Variants in CTNNA2 observed in about 807,000 individuals in gnomAD.
CTNNA2 encodes catenin alpha-2.
In CTNNA2, 42 loss-of-function variants were observed where a neutral mutation model predicts 101.0. That is an observed-to-expected ratio of 0.42 (90% confidence interval 0.32 to 0.54). The LOEUF (loss-of-function observed/expected upper bound fraction) is 0.54. CTNNA2 is among the 20% of genes least tolerant of loss of function. The pLI is 0.14. For missense variants in CTNNA2, 871 were observed against 1,223.1 expected (o/e 0.71, Z 4.29); for synonymous variants, 450 against 456.4 (o/e 0.99, Z 0.18).
intron 3 of CTNNA2, among the ~76,000 whole-genome samples, chr2:79,372,978 A>G (rs887199310): frequency 9.9e-5 from 15 of 152,210 alleles, no homozygotes; most frequent in Admixed American, 9.2e-4. Flanking sequence ...ATAGCTCCCT[A>G]CAAATGGACA....
intron 2 of CTNNA2, among the ~76,000 whole-genome samples, chr2:79,698,327 C>T (rs1221223339): frequency 6.6e-6 from 1 of 151,864 alleles, no homozygotes; most frequent in African/African-American, 2.4e-5. Flanking sequence ...TATATTTAGA[C>T]AGTAAATTGG....
At chr2:79,321,979 A>T (rs1186111525) in intron 3 of CTNNA2, among the ~76,000 whole-genome samples, 2 of 152,206 alleles carry the variant, frequency 1.3e-5, no homozygotes, top group East Asian at 3.9e-4. Flanking sequence ...GCCACTACTG[A>T]GCATTTGAAG....
intron 7 of CTNNA2, among the ~76,000 whole-genome samples, chr2:80,327,681 A>G (rs1670934214): frequency 6.6e-6 from 1 of 152,246 alleles, no homozygotes; most frequent in Non-Finnish European, 1.5e-5. Flanking sequence ...ACTGACAACC[A>G]CTAATGAAGA....
intron 7 of CTNNA2, among the ~76,000 whole-genome samples, chr2:80,243,007 A>T (rs1044187095): frequency 6.6e-6 from 1 of 152,210 alleles, no homozygotes; most frequent in African/African-American, 2.4e-5. Context: ...CCAAATGCAG[A>T]TCAGAACTAG....
chr2:79,437,857 G>A (rs1012007546), intron 4 of CTNNA2, among the ~76,000 whole-genome samples: 1 of 152,126 alleles, frequency 6.6e-6, no homozygotes. Context: ...GCTGAACCAC[G>A]CAAGCTCCAT....
rs1231395574 is a variant in CTNNA2 at position 79,889,454 on chromosome 2, A to G, written c.852+15112A>G. ...GGCACCCAACATAACTGAGAACATA[A>G]ATAGTCGGTTGTGGTTTGACCTGGT... On this transcript the variant is annotated intron_variant, in intron 6 of 18. Coordinates refer to ENST00000402739, the MANE Select transcript of CTNNA2 (RefSeq NM_001282597.3). Among the ~76,000 whole-genome samples the G allele has an allele frequency of 2.0e-5, 3 of 152,212 alleles. No individual in the cohort carries two copies. In the East Asian group the frequency reaches 5.8e-4, roughly 29 times the overall value.
chr2:79,863,231 T>C (rs1041443805), intron 4 of CTNNA2, among the ~76,000 whole-genome samples: 1 of 88,464 alleles, frequency 1.1e-5, no homozygotes, highest in Non-Finnish European at 2.2e-5. Flanking sequence ...TTTAGATGGA[T>C]AACAGAATAT....
At chr2:80,542,878 T>TC (rs11326898) in intron 9 of CTNNA2, among the ~76,000 whole-genome samples, 16,161 of 150,522 alleles carry the variant, frequency 0.11, 1,168 homozygotes, top group African/African-American at 0.2. Context: ...CCTGATTTTT[T>TC]CCCCCCCCCA....
At chr2:79,745,976 A>G (rs186974781) in intron 3 of CTNNA2, among the ~76,000 whole-genome samples, 70 of 152,256 alleles carry the variant, frequency 4.6e-4, no homozygotes, top group African/African-American at 1.3e-3. Context: ...CAGAGCCTGC[A>G]TGCTGTTTTC....
intron 1 of CTNNA2, among the ~76,000 whole-genome samples, chr2:79,189,545 G>C (rs374825155): frequency 1.3e-5 from 2 of 152,144 alleles, no homozygotes; most frequent in African/African-American, 4.8e-5. Flanking sequence ...GTATAATTCC[G>C]ATAATATTGC....
Position 79,462,738 on chromosome 2 carries a change from T to C in CTNNA2, c.-134-42316T>C, listed in dbSNP as rs111956648. ...ATGTACCTTCTAGCAGCAAGTTCTATTTAGTAGAACTCAATAAACGTATTG... is the reference window on the plus strand; with the variant it reads ...ATGTACCTTCTAGCAGCAAGTTCTACTTAGTAGAACTCAATAAACGTATTG... On this transcript the variant is annotated intron_variant, in intron 4 of 21. Coordinates refer to the CTNNA2 transcript ENST00000466387. Among the ~76,000 whole-genome samples, 759 of 152,304 alleles carry C rather than the reference T, an allele frequency of 5.0e-3. 8 individuals carry two copies. Among genetic ancestry groups the C allele is most frequent in the African/African-American group, 0.017 (697 of 41,558 alleles).
chr2:80,639,372 G>A (rs1673207695), intron 18 of CTNNA2, among the ~76,000 whole-genome samples: 1 of 152,000 alleles, frequency 6.6e-6, no homozygotes. Context: ...ACCACGCCAG[G>A]CTAATTTTTG....
intron 2 of CTNNA2, among the ~76,000 whole-genome samples, chr2:79,714,423 C>T (rs1404954439): frequency 6.6e-6 from 1 of 151,966 alleles, no homozygotes. Context: ...TCTTCCTGAT[C>T]TCAATTCTAT....
rs548033807 is a variant in CTNNA2 at position 79,287,305 on chromosome 2, C to T, written c.-405-25404C>T. On this transcript the variant is annotated intron_variant, in intron 2 of 21. Transcript: ENST00000466387. ...TTGTTCCGTTGCTGGTGAGGAACTG[C>T]GTTCCTTTGGAGGAGGAGAGTCGCT... 6.2e-4 allele frequency among the ~76,000 whole-genome samples: 94 copies of T among 152,294 alleles called. No homozygotes were observed. The East Asian group carries it at 0.014, about 23-fold the overall frequency.
intron 2 of CTNNA2, among the ~76,000 whole-genome samples, chr2:79,235,627 C>G (rs1489221463): frequency 6.6e-6 from 1 of 152,196 alleles, no homozygotes. Flanking sequence ...CCTCCATAGG[C>G]CCATGAACCC....
chr2:79,435,379 A>G (rs184631304), intron 4 of CTNNA2, among the ~76,000 whole-genome samples: 26 of 152,240 alleles, frequency 1.7e-4, no homozygotes, highest in African/African-American at 5.5e-4. Context: ...TCAGTGTCCA[A>G]TTTGGTGTCC....
chr2:80,214,130 G>A lies in CTNNA2; in HGVS notation c.1057-179081G>A, dbSNP rs547072972. 5.9e-5 allele frequency among the ~76,000 whole-genome samples: 9 copies of A among 152,224 alleles called. No individual in the cohort carries two copies. The South Asian group carries it at 1.9e-3, about 32-fold the overall frequency. On this transcript the variant is annotated intron_variant, in intron 7 of 18. Transcript: ENST00000402739. ...TCTCTGCACATGAGATGGGTCTCCTGAATACAGCACACTGATGGGTCTTGA... is the reference window on the plus strand; with the variant it reads ...TCTCTGCACATGAGATGGGTCTCCTAAATACAGCACACTGATGGGTCTTGA...
intron 7 of CTNNA2, among the ~76,000 whole-genome samples, chr2:80,255,375 G>A (rs978271316): frequency 9.5e-4 from 145 of 152,024 alleles, no homozygotes; most frequent in African/African-American, 3.4e-3. Context: ...CTTTCTCACA[G>A]CTCACTGCTG....
intron 7 of CTNNA2, among the ~76,000 whole-genome samples, chr2:79,949,242 C>G (rs546427762): frequency 6.6e-6 from 1 of 152,206 alleles, no homozygotes; most frequent in Non-Finnish European, 1.5e-5. Flanking sequence ...TTATGACCCC[C>G]AAGGCCTTGT....
Sources: gnomAD v4.1 joint callset for allele counts (sites outside exome capture counted in the v4.1 genomes callset) on GRCh38, gnomAD v4.1.1 for gene constraint, MANE v1.5 for transcripts, NCBI Gene and HGNC (gene_info 2026-07-23, HGNC 2026-07-21) for gene names.